Variants in KRT3 observed in about 807,000 individuals in gnomAD.
The protein encoded by KRT3 is keratin 3.
KRT3 carries 34 observed loss-of-function variants against 45.8 expected under a neutral mutation model. That is an observed-to-expected ratio of 0.74 (90% CI 0.57 to 0.99). The LOEUF (loss-of-function observed/expected upper bound fraction) is 0.99. KRT3 is among the 50% of genes least tolerant of loss of function. The pLI, the probability that KRT3 is intolerant of heterozygous loss-of-function variation, is 0.00. For synonymous variants in KRT3, 367 were observed against 329.0 expected, an observed-to-expected ratio of 1.12 and a Z score of -1.25; for missense variants, 828 against 820.6, an observed-to-expected ratio of 1.01 and a Z score of -0.11.
At chr12:52,791,057 G>T in intron 7 of KRT3, 149 bp downstream of exon 7, 1 of 1,348,742 alleles carries the variant, frequency 7.4e-7, no homozygotes. Context: ...TACGTGCCCT[G>T]GGAGGGAGTG....
chr12:52,790,580 C>A (rs1939468894), intron 8 of KRT3, among the ~76,000 whole-genome samples: 1 of 152,196 alleles, frequency 6.6e-6, no homozygotes, highest in Admixed American at 6.5e-5. Context: ...GTCTTGATGA[C>A]CCCCTTGGAG....
At chr12:52,792,608 C>A in intron 4 of KRT3, 103 bp downstream of exon 4, 1 of 1,005,380 alleles carries the variant, frequency 9.9e-7, no homozygotes, top group South Asian at 1.3e-5. Context: ...TCTCCAGGCT[C>A]ATTCCAGATG....
Position 52,792,725 on chromosome 12 carries a change from T to C in KRT3, c.1009A>G (p.Thr337Ala). 3 of 1,610,334 alleles carry C rather than the reference T, an allele frequency of 1.9e-6. No homozygotes were observed. The highest frequency in any genetic ancestry group is 2.5e-6 in the Non-Finnish European group (3 of 1,176,712). ...AACATCCTTACAGCGTCGTAGAGGG[T>C]CCTTAAGAAGTCGATCTCATCTATC... Reference protein sequence around the residue: ...ALIDEIDFLRTLYDAELSQMQ... With the variant: ...ALIDEIDFLRALYDAELSQMQ... Residue 337 changes from threonine (T) to alanine (A), a missense_variant, in exon 4 of 9, where the codon ACC (threonine) becomes GCC (alanine). By Grantham distance (58) the Thr-to-Ala change is moderately conservative. Transcript: ENST00000417996.
Position 52,792,699 on chromosome 12 carries a change from T to A in KRT3, c.1023+12A>T. 1 of 1,578,588 alleles carries A rather than the reference T, an allele frequency of 6.3e-7. No individual in the cohort carries two copies. The highest frequency in any genetic ancestry group is 8.7e-7 in the Non-Finnish European group (1 of 1,147,716). On this transcript the variant is annotated intron_variant, in intron 4 of 8. Transcript: ENST00000417996. ...TCTCCCTCTGTCCCTTCTTAGTAGG[T>A]AACATCCTTACAGCGTCGTAGAGGG...
chr12:52,792,463 C>T, intron 4 of KRT3, 60 bp from the exon 5 acceptor site: 5 of 1,513,118 alleles, frequency 3.3e-6, no homozygotes, highest in Non-Finnish European at 4.6e-6. Context: ...ACACAGGGCC[C>T]TGAAAGACTC....
At position 52,795,638 on chromosome 12, in the gene KRT3, A is replaced by G. The variant is rs1001650020; in HGVS notation, c.405T>C (p.Gly135=). The change falls in exon 1 of 9, where the codon GGT becomes GGC. Residue 135 remains glycine (G), a synonymous_variant. Coordinates refer to ENST00000417996, the MANE Select transcript of KRT3 (RefSeq NM_057088.3). The part of the protein sequence containing the change: ...FGGAGGFGGA[G]GFGGPGGFGG... ...CAAAGCCACCAGGACCACCAAAGCC[A>G]CCAGCCCCTCCAAAGCCACCAGCCC... 11 of 1,442,432 alleles carry G rather than the reference A, an allele frequency of 7.6e-6. No individual in the cohort carries two copies. The highest frequency in any genetic ancestry group is 1.7e-4 in the Middle Eastern group (1 of 5,864). The allele number at this position is 1,442,432 out of a possible 1,614,324, so 89.4% of individuals were successfully genotyped here. A position where few individuals can be genotyped will look rare whatever the true frequency, so the allele number is the denominator to read the frequency against.
chr12:52,791,972 G>A (rs544363462), intron 5 of KRT3, among the ~76,000 whole-genome samples, 156 bp from the exon 6 acceptor site: 9 of 152,328 alleles, frequency 5.9e-5, no homozygotes, highest in Admixed American at 2.0e-4. Context: ...AAGGCAGCAG[G>A]AAAGAGAACA....
intron 6 of KRT3, 68 bp downstream of exon 6, chr12:52,791,623 G>C: frequency 6.3e-7 from 1 of 1,594,650 alleles, no homozygotes; most frequent in Non-Finnish European, 8.6e-7. Context: ...TCCAGGGGAG[G>C]AGTCCTGAGA....
chr12:52,791,341 A>C lies in KRT3; in HGVS notation c.1400T>G (p.Leu467Arg). 1 of 1,614,238 alleles carries C rather than the reference A, an allele frequency of 6.2e-7. No individual in the cohort carries two copies. The highest frequency in any genetic ancestry group is 8.5e-7 in the Non-Finnish European group (1 of 1,180,034). The stretch of plus-strand genomic sequence containing the variant: ...CTTCGCCTGCTGTAGAGCAGCCTGC[A>C]GCTCTTGGAGCTTGGCATTGGCATC... ...LKDANAKLQE[L>R]QAALQQAKDD... The change falls in exon 7 of 9, where the codon CTG (leucine) becomes CGG (arginine). Residue 467 changes from leucine to arginine, a missense_variant. Physicochemically the swap from Leu to Arg is moderately radical, Grantham distance 102. Coordinates refer to ENST00000417996, the MANE Select transcript of KRT3 (RefSeq NM_057088.3).
Position 52,790,053 on chromosome 12 carries a change from A to G in KRT3, c.1876T>C (p.Tyr626His). The G allele has an allele frequency of 6.5e-7, 1 of 1,539,232 alleles. No homozygotes were observed. The highest frequency in any genetic ancestry group is 8.7e-7 in the Non-Finnish European group (1 of 1,146,848). The change falls in exon 9 of 9, where the codon TAC (tyrosine) becomes CAC (histidine). Residue 626 changes from tyrosine to histidine, a missense_variant. By Grantham distance (83) the Tyr-to-His change is moderately conservative (BLOSUM62 2). Coordinates refer to ENST00000417996, the MANE Select transcript of KRT3 (RefSeq NM_057088.3). ...CTGATGCGTGCTCTTTATCTGGAGTAGCGCTGGGAGGACTGGGAGGACTGG... is the reference window on the plus strand; with the variant it reads ...CTGATGCGTGCTCTTTATCTGGAGTGGCGCTGGGAGGACTGGGAGGACTGG... ...FSQSSQSSQR[Y>H]SR
rs902140983 is a variant in KRT3, at chr12:52,789,789, G to A, written c.*253C>T. The A allele has an allele frequency of 6.6e-6, 4 of 605,704 alleles. No individual in the cohort carries two copies. Among genetic ancestry groups the A allele is most frequent in the Non-Finnish European group, 1.2e-5 (4 of 341,734 alleles). 37.5% of individuals were successfully genotyped at this position (605,704 alleles called of 1,614,324 possible). A position where few individuals can be genotyped will look rare whatever the true frequency, so the allele number is the denominator to read the frequency against. On this transcript the variant is annotated 3_prime_UTR_variant, in exon 9 of 9. Coordinates refer to ENST00000417996, the MANE Select transcript of KRT3 (RefSeq NM_057088.3). ...GCATCCCACCCAGGGAGGGGACTCC[G>A]GGGCAGCAGAAGGTGGCGGCCTAGG...
rs1939565217 is a variant in KRT3, at chr12:52,793,197, G to A, written c.893C>T (p.Thr298Ile). 1.9e-6 allele frequency: 3 copies of A among 1,610,226 alleles called. No homozygotes were observed. The highest frequency in any genetic ancestry group is 1.3e-5 in the African/African-American group (1 of 74,858). ...KKYEDEINKRTAAENEFVTLK... is the reference protein window; with the variant it reads ...KKYEDEINKRIAAENEFVTLK... Reference sequence around the variant, plus strand: ...AGTCACAAATTCATTCTCAGCAGCTGTACGTTTATTGATTTCATCCTCATA... The same window carrying A: ...AGTCACAAATTCATTCTCAGCAGCTATACGTTTATTGATTTCATCCTCATA... The change falls in exon 3 of 9, where the codon ACA becomes ATA. Residue 298 changes from threonine (T) to isoleucine (I), a missense_variant. Thr to Ile is a moderately conservative substitution (Grantham distance 89). Coordinates refer to ENST00000417996, the MANE Select transcript of KRT3 (RefSeq NM_057088.3).
rs2121218396 is a variant in KRT3, at chr12:52,791,429, G to A, written c.1315-3C>T. 1 of 1,613,948 alleles carries A rather than the reference G, an allele frequency of 6.2e-7. No individual in the cohort carries two copies. The highest frequency in any genetic ancestry group is 8.5e-7 in the Non-Finnish European group (1 of 1,179,896). Reference sequence around the variant, plus strand: ...ATGGCCGTCTGCAGGTTGGCATTCTGGGGCAAGGGAGGTAGGAGGAATGAG... The same window carrying A: ...ATGGCCGTCTGCAGGTTGGCATTCTAGGGCAAGGGAGGTAGGAGGAATGAG... On this transcript the variant is annotated splice_region_variant and splice_polypyrimidine_tract_variant and intron_variant, in intron 6 of 8. Coordinates refer to ENST00000417996, the MANE Select transcript of KRT3 (RefSeq NM_057088.3).
chr12:52,793,138 C>G, intron 3 of KRT3, 25 bp downstream of exon 3: 1 of 1,601,050 alleles, frequency 6.2e-7, no homozygotes, highest in Non-Finnish European at 8.5e-7. Flanking sequence ...CTGCAAGCCT[C>G]AGAAACCTCA....
chr12:52,790,039 T>C lies in KRT3; in HGVS notation c.*3A>G, dbSNP rs900188870. ...GAGTGGCTGCGATGCTGATGCGTGCTCTTTATCTGGAGTAGCGCTGGGAGG... is the reference window on the plus strand; with the variant it reads ...GAGTGGCTGCGATGCTGATGCGTGCCCTTTATCTGGAGTAGCGCTGGGAGG... On this transcript the variant is annotated 3_prime_UTR_variant, in exon 9 of 9. Transcript: ENST00000417996. 2.0e-6 allele frequency: 3 copies of C among 1,538,314 alleles called. No homozygotes were observed. The highest frequency in any genetic ancestry group is 2.6e-6 in the Non-Finnish European group (3 of 1,146,802).
intron 3 of KRT3, 92 bp downstream of exon 3, chr12:52,793,071 G>T: frequency 5.0e-6 from 5 of 999,626 alleles, no homozygotes; most frequent in Non-Finnish European, 7.8e-6. Flanking sequence ...GCCTGAACTT[G>T]GCAGCTCTGT....
chr12:52,791,788 C>T lies in KRT3; in HGVS notation c.1217G>A (p.Arg406Lys). 1.2e-6 allele frequency: 2 copies of T among 1,614,120 alleles called. No individual in the cohort carries two copies. Among genetic ancestry groups the T allele is most frequent in the Non-Finnish European group, 1.7e-6 (2 of 1,179,974 alleles). The change falls in exon 6 of 9, where the codon AGG (arginine) becomes AAG (lysine). Residue 406 changes from arginine (R) to lysine (K), a missense_variant. Arg to Lys is a conservative substitution (Grantham distance 26). Transcript: ENST00000417996. ...KLGELQTTAG[R>K]HGDDLRNTKS... Reference sequence around the variant, plus strand: ...GGTATTTCTTAGGTCATCCCCATGCCTGCCAGCCGTGGTCTGCAGCTCCCC... The same window carrying T: ...GGTATTTCTTAGGTCATCCCCATGCTTGCCAGCCGTGGTCTGCAGCTCCCC...
chr12:52,795,294 A>G (rs1006262100), intron 1 of KRT3, 104 bp downstream of exon 1: 25 of 1,384,420 alleles, frequency 1.8e-5, no homozygotes, highest in Non-Finnish European at 2.2e-5. Flanking sequence ...CTAACTCCTC[A>G]CCCTCCAGTC....
rs200847081 is a variant in KRT3, at chr12:52,795,915, T to C, written c.128A>G (p.Tyr43Cys). ...AHSGGAGGGA[Y>C]GFRSGAGGFG... ...GCCACCTGCTCCGCTCCGGAAGCCA[T>C]AGGCCCCTCCGCCAGCTCCCCCAGA... The change falls in exon 1 of 9, where the codon TAT (tyrosine) becomes TGT (cysteine). Residue 43 changes from tyrosine (Y) to cysteine (C), a missense_variant. Coordinates refer to ENST00000417996, the MANE Select transcript of KRT3 (RefSeq NM_057088.3). 212 of 1,613,954 alleles carry C rather than the reference T, an allele frequency of 1.3e-4. No homozygotes were observed. The African/African-American group carries it at 2.6e-3, about 20-fold the overall frequency.
Sources: allele counts gnomAD v4.1 joint callset (sites outside exome capture counted in the v4.1 genomes callset), GRCh38; gene constraint gnomAD v4.1.1; transcripts MANE v1.5; gene names NCBI Gene and HGNC (gene_info 2026-07-23, HGNC 2026-07-21).